The following PDPK1 variants were observed in gnomAD, a reference collection of about 807,000 sequenced individuals.
The protein encoded by PDPK1 is 3-phosphoinositide dependent protein kinase 1.
A neutral mutation model predicts 39.8 loss-of-function variants in PDPK1; 7 were observed. That is an observed-to-expected ratio of 0.18 (90% CI 0.10 to 0.33). The LOEUF (loss-of-function observed/expected upper bound fraction) is 0.33. PDPK1 is among the 10% of genes least tolerant of loss of function. The pLI is 1.00. For synonymous variants in PDPK1, 118 were observed against 159.1 expected, an observed-to-expected ratio of 0.74 and a Z score of 1.95; for missense variants, 182 against 384.7, an observed-to-expected ratio of 0.47 and a Z score of 4.41.
chr16:2,588,442 G>C (rs976856126), intron 11 of PDPK1, among the ~76,000 whole-genome samples: 2 of 152,156 alleles, frequency 1.3e-5, no homozygotes, highest in African/African-American at 4.8e-5. Context: ...TTGGCCAGGA[G>C]CGCTCTCTCT....
intron 7 of PDPK1, chr16:2,578,413 G>A (rs965384885): frequency 3.5e-5 from 5 of 140,944 alleles, no homozygotes; most frequent in African/African-American, 1.1e-4. Flanking sequence ...GTGTGGGGGA[G>A]GATGTCCAGG....
intron 11 of PDPK1, among the ~76,000 whole-genome samples, 181 bp downstream of exon 11, chr16:2,587,074 C>T (rs1021537500): frequency 1.3e-5 from 2 of 152,230 alleles, no homozygotes; most frequent in Non-Finnish European, 2.9e-5. Context: ...GGCCCAGGGG[C>T]TGAGTGGGTT....
At chr16:2,557,518 C>T in intron 1 of PDPK1, 185 bp from the exon 2 acceptor site, 1 of 468,926 alleles carries the variant, frequency 2.1e-6, no homozygotes, top group Non-Finnish European at 3.8e-6. Flanking sequence ...AGCGGGGAGC[C>T]ATGGCACGGG....
At position 2,595,743 on chromosome 16, in the gene PDPK1, TTC is replaced by T. The variant is rs932084836; in HGVS notation, c.1344-48_1344-47del. On this transcript the variant is annotated intron_variant, in intron 11 of 13. Transcript: ENST00000342085. ...GTGTGGCAGGAGGAGCGTGGAGAAT[TTC>T]TGTTTGTGATTGTCATGGGAGCATC... is the stretch of plus-strand genomic sequence containing the variant. The T allele has an allele frequency of 6.2e-6, 9 of 1,461,426 alleles. No individual in the cohort carries two copies. The Admixed American group carries it at 8.4e-5, about 14-fold the overall frequency. The allele number at this position is 1,461,426 out of a possible 1,614,324, so 90.5% of individuals were successfully genotyped here. A position where few individuals can be genotyped will look rare whatever the true frequency, so the allele number is the denominator to read the frequency against.
chr16:2,560,885 TGA>T (rs1244760666), intron 2 of PDPK1, among the ~76,000 whole-genome samples: 2 of 149,014 alleles, frequency 1.3e-5, no homozygotes, highest in African/African-American at 2.5e-5. Context: ...TCAGGGGTGC[TGA>T]GAGGACAGGG....
At chr16:2,545,106 G>A (rs1303021082) in intron 1 of PDPK1, among the ~76,000 whole-genome samples, 1 of 146,490 alleles carries the variant, frequency 6.8e-6, no homozygotes, top group Admixed American at 7.0e-5. Flanking sequence ...GTGCGATCTT[G>A]GCTCACTGCA....
intron 1 of PDPK1, among the ~76,000 whole-genome samples, chr16:2,544,567 C>T (rs956779973): frequency 9.2e-5 from 14 of 152,144 alleles, no homozygotes; most frequent in African/African-American, 2.4e-4. Flanking sequence ...TGCTTGTATA[C>T]ATTACCCCCT....
intron 1 of PDPK1, among the ~76,000 whole-genome samples, chr16:2,551,658 T>C (rs2066411529): frequency 7.0e-6 from 1 of 142,034 alleles, no homozygotes; most frequent in South Asian, 2.1e-4. Context: ...CTGATTTCCA[T>C]CTTTTTTTTT....
chr16:2,590,663 T>C (rs1175296169), intron 11 of PDPK1, among the ~76,000 whole-genome samples: 1 of 152,226 alleles, frequency 6.6e-6, no homozygotes, highest in East Asian at 1.9e-4. Context: ...GCTTGTTACT[T>C]TAAGGAAAAC....
chr16:2,543,885 C>T (rs2066285777), intron 1 of PDPK1, among the ~76,000 whole-genome samples: 2 of 97,754 alleles, frequency 2.0e-5, no homozygotes, highest in Non-Finnish European at 4.1e-5. Context: ...CCGCACCCGG[C>T]TAATTTTTTT....
chr16:2,599,880 T>G lies in PDPK1; in HGVS notation c.*2113T>G, dbSNP rs961613110. The G allele has an allele frequency of 4.3e-6, 1 of 233,482 alleles. No homozygotes were observed. 14.5% of individuals were successfully genotyped at this position (233,482 alleles called of 1,614,324 possible). A position where few individuals can be genotyped will look rare whatever the true frequency, so the allele number is the denominator to read the frequency against. On this transcript the variant is annotated 3_prime_UTR_variant, in exon 14 of 14. Transcript: ENST00000342085. Reference sequence around the variant, plus strand: ...CTTGGGGAGACTCTTCCGTGCGTTCTTCCTCTGGATAGAACCACCACCTCC... The same window carrying G: ...CTTGGGGAGACTCTTCCGTGCGTTCGTCCTCTGGATAGAACCACCACCTCC...
Position 2,597,405 on chromosome 16 carries a change from C to T in PDPK1, c.1554+130C>T, listed in dbSNP as rs2067125476. The T allele has an allele frequency of 4.7e-6, 4 of 844,474 alleles. No homozygotes were observed. The East Asian group carries it at 9.8e-5, about 21-fold the overall frequency. The allele number at this position is 844,474 out of a possible 1,614,324, so 52.3% of individuals were successfully genotyped here. On this transcript the variant is annotated intron_variant, in intron 13 of 13. Transcript: ENST00000342085. The surrounding 1 kb of genome is among the most constrained non-coding windows in gnomAD (Gnocchi z 6.3). ...GCAGCTGCCTCGCCCTTTCCGACAT[C>T]CCAGACGCCCACACTAGTGGCTCAG...
At chr16:2,586,511 G>C (rs2066878190) in intron 10 of PDPK1, among the ~76,000 whole-genome samples, 165 bp from the exon 11 acceptor site, 1 of 152,276 alleles carries the variant, frequency 6.6e-6, no homozygotes, top group Non-Finnish European at 1.5e-5. Context: ...CGGTTCTGTG[G>C]CCAGGTGTCC....
intron 2 of PDPK1, among the ~76,000 whole-genome samples, chr16:2,558,433 G>T (rs972576578): frequency 3.3e-5 from 5 of 150,338 alleles, no homozygotes; most frequent in Non-Finnish European, 5.9e-5. Flanking sequence ...AAAACAGTAC[G>T]CTCTGGACAT....
rs2067126004 is a variant in PDPK1 at position 2,597,425 on chromosome 16, G to T, written c.1554+150G>T. 2.5e-6 allele frequency: 2 copies of T among 784,350 alleles called. No individual in the cohort carries two copies. The highest frequency in any genetic ancestry group is 4.2e-6 in the Non-Finnish European group (2 of 473,734). 48.6% of individuals were successfully genotyped at this position (784,350 alleles called of 1,614,324 possible). On this transcript the variant is annotated intron_variant, in intron 13 of 13. Coordinates refer to ENST00000342085, the MANE Select transcript of PDPK1 (RefSeq NM_002613.5). The surrounding 1 kb of genome is among the most constrained non-coding windows in gnomAD (Gnocchi z 6.3). ...GACATCCCAGACGCCCACACTAGTG[G>T]CTCAGTCCTGAGGGGGCAGGGGACA...
chr16:2,595,055 T>G (rs555477471), intron 11 of PDPK1, among the ~76,000 whole-genome samples: 2 of 152,174 alleles, frequency 1.3e-5, no homozygotes, highest in South Asian at 4.2e-4. Flanking sequence ...CGCAGGAGAT[T>G]GAGGCTACAG....
At chr16:2,585,298 A>G (rs2066844553) in intron 10 of PDPK1, among the ~76,000 whole-genome samples, 1 of 152,236 alleles carries the variant, frequency 6.6e-6, no homozygotes, top group Non-Finnish European at 1.5e-5. Flanking sequence ...AGCTCTGCAC[A>G]GCTGTGTGGT....
At chr16:2,589,285 A>G (rs555341847) in intron 11 of PDPK1, among the ~76,000 whole-genome samples, 8 of 152,254 alleles carry the variant, frequency 5.3e-5, no homozygotes, top group East Asian at 3.9e-4. Flanking sequence ...TTAATATTCA[A>G]TATTTCTACT....
chr16:2,543,842 C>T (rs1163985938), intron 1 of PDPK1, among the ~76,000 whole-genome samples: 3 of 152,146 alleles, frequency 2.0e-5, no homozygotes, highest in African/African-American at 7.2e-5. Context: ...CTACTTCAGC[C>T]TCCTGAGTAG....
Sources: allele counts gnomAD v4.1 joint callset (sites outside exome capture counted in the v4.1 genomes callset), GRCh38; gene constraint gnomAD v4.1.1; non-coding constraint Gnocchi (gnomAD v3.1); transcripts MANE v1.5; gene names NCBI Gene and HGNC (gene_info 2026-07-23, HGNC 2026-07-21).